The following SAMD3 variants were observed in gnomAD, a reference collection of about 807,000 sequenced individuals.
The protein encoded by SAMD3 is sterile alpha motif domain containing 3, also known as sterile alpha motif domain-containing protein 3.
A neutral mutation model predicts 58.5 loss-of-function variants in SAMD3; 63 were observed. The ratio of observed to expected loss-of-function variants is 1.08; its 90% CI spans 0.88 to 1.33. The LOEUF (loss-of-function observed/expected upper bound fraction) is 1.33, where lower values mean the gene tolerates loss of function less well. SAMD3 is among the 40% of genes most tolerant of loss of function. The pLI is 0.00. For missense variants in SAMD3, 604 were observed against 608.4 expected, an observed-to-expected ratio of 0.99 and a Z score of 0.08; for synonymous variants, 220 against 210.3, an observed-to-expected ratio of 1.05 and a Z score of -0.40.
chr6:130,271,785 G>A (rs1258238637), intron 2 of SAMD3, among the ~76,000 whole-genome samples: 12 of 152,170 alleles, frequency 7.9e-5, no homozygotes, highest in Non-Finnish European at 1.5e-4. Context: ...CCTCATATTC[G>A]TGGCAGAAGA....
chr6:130,289,573 C>T (rs1442050341), intron 2 of SAMD3, among the ~76,000 whole-genome samples: 1 of 152,190 alleles, frequency 6.6e-6, no homozygotes, highest in African/African-American at 2.4e-5. Flanking sequence ...GATCTCGGCT[C>T]ACTGCAACCT....
chr6:130,353,071 A>G (rs1320724746), intron 1 of SAMD3, among the ~76,000 whole-genome samples: 2 of 152,148 alleles, frequency 1.3e-5, no homozygotes, highest in African/African-American at 4.8e-5. Flanking sequence ...TTCCTTTTGA[A>G]ATGCTATACT....
chr6:130,201,704 G>C (rs1312270822), intron 5 of SAMD3, among the ~76,000 whole-genome samples: 1 of 152,128 alleles, frequency 6.6e-6, no homozygotes, highest in Non-Finnish European at 1.5e-5. Flanking sequence ...AATCCAAACA[G>C]AATCCTCCAT....
chr6:130,317,888 C>A (rs972003565), intron 1 of SAMD3, among the ~76,000 whole-genome samples: 2 of 152,172 alleles, frequency 1.3e-5, no homozygotes, highest in Admixed American at 1.3e-4. Flanking sequence ...TAAGGAGATT[C>A]TCAGGGTAAG....
At chr6:130,209,981 G>T (rs1795392216) in intron 4 of SAMD3, among the ~76,000 whole-genome samples, 1 of 152,160 alleles carries the variant, frequency 6.6e-6, no homozygotes, top group African/African-American at 2.4e-5. Flanking sequence ...TCCCTACTCT[G>T]CTCTCTGCCA....
intron 2 of SAMD3, among the ~76,000 whole-genome samples, chr6:130,288,237 G>A (rs1199497269): frequency 1.3e-5 from 2 of 152,098 alleles, no homozygotes; most frequent in Non-Finnish European, 2.9e-5. Context: ...CATATTGTGG[G>A]GGCTGGCAAG....
chr6:130,349,548 T>C (rs1777581658), intron 1 of SAMD3, among the ~76,000 whole-genome samples: 1 of 152,102 alleles, frequency 6.6e-6, no homozygotes, highest in Non-Finnish European at 1.5e-5. Flanking sequence ...AATAGACCAA[T>C]AACAGGCTCT....
At chr6:130,190,454 G>C (rs1367295023) in intron 5 of SAMD3, among the ~76,000 whole-genome samples, 1 of 151,978 alleles carries the variant, frequency 6.6e-6, no homozygotes, top group Non-Finnish European at 1.5e-5. Context: ...AGGCATATAG[G>C]CCAGAATGAC....
At chr6:130,208,663 A>G (rs933251643) in intron 5 of SAMD3, among the ~76,000 whole-genome samples, 1 of 152,162 alleles carries the variant, frequency 6.6e-6, no homozygotes, top group African/African-American at 2.4e-5. Flanking sequence ...CCCAGATGGG[A>G]CTGTCTAGTT....
chr6:130,317,433 A>C (rs7762778), intron 1 of SAMD3, among the ~76,000 whole-genome samples: 6,143 of 152,288 alleles, frequency 0.04, 390 homozygotes, highest in African/African-American at 0.14. Flanking sequence ...ATATGATACT[A>C]TGTATATCTC....
At chr6:130,159,271 A>G (rs1790068910) in intron 8 of SAMD3, among the ~76,000 whole-genome samples, 1 of 152,200 alleles carries the variant, frequency 6.6e-6, no homozygotes, top group Admixed American at 6.5e-5. Context: ...GCCTGTTGCC[A>G]TCCACAGAAG....
chr6:130,191,042 T>C (rs537468490), intron 5 of SAMD3, among the ~76,000 whole-genome samples: 11 of 151,746 alleles, frequency 7.2e-5, no homozygotes, highest in African/African-American at 2.4e-4. Flanking sequence ...AAGTCCACAT[T>C]CAATACTTGA....
chr6:130,154,566 C>T (rs1789558047), intron 9 of SAMD3, among the ~76,000 whole-genome samples: 1 of 151,622 alleles, frequency 6.6e-6, no homozygotes, highest in African/African-American at 2.4e-5. Flanking sequence ...TGGTGGCACA[C>T]ACTTGTAGTC....
At chr6:130,260,449 C>T (rs11154538) in intron 2 of SAMD3, among the ~76,000 whole-genome samples, 20,502 of 152,246 alleles carry the variant, frequency 0.13, 1,558 homozygotes, top group Admixed American at 0.16. Flanking sequence ...CCCTCTCTCA[C>T]GGACCCCCAT....
At chr6:130,358,726 T>TAC (rs3029958) in intron 1 of SAMD3, among the ~76,000 whole-genome samples, 25,670 of 144,510 alleles carry the variant, frequency 0.18, 2,192 homozygotes, top group Non-Finnish European at 0.2. Flanking sequence ...CACTATGTCT[T>TAC]ACACACACAC....
intron 9 of SAMD3, among the ~76,000 whole-genome samples, chr6:130,153,176 C>T (rs555197943): frequency 2.9e-4 from 43 of 148,828 alleles, no homozygotes; most frequent in African/African-American, 9.9e-4. Context: ...GTAAGTTTGA[C>T]AGGCTTTTGC....
At chr6:130,290,292 A>G (rs1001908577) in intron 2 of SAMD3, among the ~76,000 whole-genome samples, 2 of 152,122 alleles carry the variant, frequency 1.3e-5, no homozygotes, top group African/African-American at 4.8e-5. Flanking sequence ...GTGTTGTAGT[A>G]TAGAGTCCCA....
chr6:130,304,545 A>C (rs1775852433), intron 2 of SAMD3, among the ~76,000 whole-genome samples: 1 of 152,200 alleles, frequency 6.6e-6, no homozygotes, highest in African/African-American at 2.4e-5. Context: ...GTCTATGCTA[A>C]TATTACACTT....
intron 2 of SAMD3, among the ~76,000 whole-genome samples, chr6:130,234,208 G>A (rs751645980): frequency 1.3e-5 from 2 of 151,954 alleles, no homozygotes; most frequent in Non-Finnish European, 2.9e-5. Flanking sequence ...TCTCTTATGT[G>A]TAAATTTAAT....
Sources: gnomAD v4.1 joint callset for allele counts (sites outside exome capture counted in the v4.1 genomes callset) on GRCh38, gnomAD v4.1.1 for gene constraint, MANE v1.5 for transcripts, NCBI Gene and HGNC (gene_info 2026-07-23, HGNC 2026-07-21) for gene names.